The following DGKB variants were observed in gnomAD, a reference collection of about 807,000 sequenced individuals.
DGKB encodes 90 kDa diacylglycerol kinase.
A neutral mutation model predicts 114.3 loss-of-function variants in DGKB; 67 were observed. The ratio of observed to expected loss-of-function variants is 0.59; its 90% CI spans 0.48 to 0.72. The LOEUF is 0.72. Ranked by LOEUF, DGKB falls within the 30% of genes least tolerant of loss-of-function variation. The probability of loss-of-function intolerance (pLI) is 0.00; values close to 1 mark genes in which losing one functional copy is unlikely to be tolerated. For synonymous variants in DGKB, 398 were observed against 323.1 expected, an observed-to-expected ratio of 1.23 and a Z score of -2.49; for missense variants, 907 against 975.2, an observed-to-expected ratio of 0.93 and a Z score of 0.93.
intron 1 of DGKB, among the ~76,000 whole-genome samples, chr7:14,952,344 C>A (rs1449371078): frequency 6.6e-6 from 1 of 151,938 alleles, no homozygotes; most frequent in African/African-American, 2.4e-5. Flanking sequence ...ACAGTCATAG[C>A]AAACTGATAT....
chr7:14,251,262 G>A (rs1562743897), intron 23 of DGKB, among the ~76,000 whole-genome samples: 1 of 151,898 alleles, frequency 6.6e-6, no homozygotes, highest in Non-Finnish European at 1.5e-5. Context: ...GCTATACTGT[G>A]ATTCATTTCT....
chr7:14,215,872 T>A (rs1788874492), intron 23 of DGKB, among the ~76,000 whole-genome samples: 1 of 152,176 alleles, frequency 6.6e-6, no homozygotes, highest in South Asian at 2.1e-4. Context: ...ATTAAAAAAA[T>A]TTATTTATAC....
chr7:14,567,198 TTA>T lies in DGKB; in HGVS notation c.1770+7012_1770+7013del, dbSNP rs1229413047. ...TTATATATAATTATATATTTATATA[TTA>T]TATATATTATATATTTATATATAAT... On this transcript the variant is annotated intron_variant, in intron 20 of 25. Coordinates refer to ENST00000402815, the MANE Select transcript of DGKB (RefSeq NM_001350709.2). Among the ~76,000 whole-genome samples, 88 of 81,582 alleles carry T rather than the reference TTA, an allele frequency of 1.1e-3. 2 individuals are homozygous for T. The highest frequency in any genetic ancestry group is 4.4e-3 in the African/African-American group (83 of 18,836). 53.5% of individuals were successfully genotyped at this position (81,582 alleles called of 152,430 possible). A position where few individuals can be genotyped will look rare whatever the true frequency, so the allele number is the denominator to read the frequency against.
At chr7:14,852,759 G>C (rs1849584371) in intron 1 of DGKB, among the ~76,000 whole-genome samples, 1 of 151,964 alleles carries the variant, frequency 6.6e-6, no homozygotes, top group African/African-American at 2.4e-5. Flanking sequence ...ATCTGACCTG[G>C]GGCTTTTTCA....
rs1167661225 is a variant in DGKB, at chr7:14,876,278, G to T, written c.-188+26314C>A. ...TGCATAAACAGCCTCTAATCTACAT[G>T]TAATTAAAGGAGATATAAATATGAC... On this transcript the variant is annotated intron_variant, in intron 1 of 25. Transcript: ENST00000402815. Among the ~76,000 whole-genome samples the T allele has an allele frequency of 3.9e-5, 6 of 152,152 alleles. No homozygotes were observed. The East Asian group carries it at 1.2e-3, about 29-fold the overall frequency.
chr7:14,150,208 C>G (rs947038120), intron 25 of DGKB, among the ~76,000 whole-genome samples: 2 of 152,110 alleles, frequency 1.3e-5, no homozygotes, highest in Non-Finnish European at 2.9e-5. Context: ...GCGACTAATA[C>G]AAGAACCATC....
intron 23 of DGKB, among the ~76,000 whole-genome samples, chr7:14,185,937 C>T (rs886889906): frequency 1.2e-4 from 18 of 152,262 alleles, no homozygotes; most frequent in African/African-American, 4.3e-4. Context: ...ATTGGAAAAA[C>T]TCTCCTAGAC....
chr7:14,536,357 T>A (rs1338822234), intron 20 of DGKB, among the ~76,000 whole-genome samples: 2 of 152,072 alleles, frequency 1.3e-5, no homozygotes, highest in Non-Finnish European at 2.9e-5. Context: ...GAAAATCATA[T>A]CCCTGATGAA....
At chr7:14,907,333 A>T (rs1236995246), upstream of DGKB, among the ~76,000 whole-genome samples, 1 of 152,222 alleles carries the variant, frequency 6.6e-6, no homozygotes, top group African/African-American at 2.4e-5. Flanking sequence ...TGGCTTTGTC[A>T]CAAAACAGAC....
chr7:14,530,870 C>G (rs140766875), intron 20 of DGKB, among the ~76,000 whole-genome samples: 1 of 151,404 alleles, frequency 6.6e-6, no homozygotes, highest in African/African-American at 2.4e-5. Context: ...CTTTATTTCC[C>G]GGTTCATTTT....
intron 1 of DGKB, among the ~76,000 whole-genome samples, chr7:14,894,351 A>G (rs989201924): frequency 6.6e-6 from 1 of 151,456 alleles, no homozygotes; most frequent in African/African-American, 2.4e-5. Context: ...ATATTAGAGA[A>G]CCAGAGAGGA....
intron 20 of DGKB, among the ~76,000 whole-genome samples, chr7:14,496,259 T>C (rs544747976): frequency 6.6e-6 from 1 of 151,894 alleles, no homozygotes; most frequent in Non-Finnish European, 1.5e-5. Context: ...ATGGTCAAAC[T>C]TATAATAATT....
At chr7:14,252,239 C>T (rs917617398) in intron 23 of DGKB, among the ~76,000 whole-genome samples, 4 of 152,250 alleles carry the variant, frequency 2.6e-5, no homozygotes, top group Non-Finnish European at 5.9e-5. Flanking sequence ...ATCAAGTCTG[C>T]TGTTGAACCC....
chr7:14,189,383 G>T (rs1783976491), intron 23 of DGKB, among the ~76,000 whole-genome samples: 1 of 151,962 alleles, frequency 6.6e-6, no homozygotes, highest in Non-Finnish European at 1.5e-5. Context: ...TTAGCCTGTG[G>T]TAATCACAAA....
chr7:14,876,457 G>C (rs909571857), intron 1 of DGKB, among the ~76,000 whole-genome samples: 4 of 152,108 alleles, frequency 2.6e-5, no homozygotes, highest in African/African-American at 9.7e-5. Flanking sequence ...TTCTTTCCTG[G>C]GCAAGGCCAA....
chr7:14,519,417 G>C (rs1429463303), intron 20 of DGKB, among the ~76,000 whole-genome samples: 1 of 151,994 alleles, frequency 6.6e-6, no homozygotes. Flanking sequence ...ATAGCACATA[G>C]CAATATTTTG....
chr7:14,175,820 G>C (rs1008625222), intron 25 of DGKB, among the ~76,000 whole-genome samples: 1 of 151,436 alleles, frequency 6.6e-6, no homozygotes, highest in Non-Finnish European at 1.5e-5. Context: ...CTTTTTTTTG[G>C]GGGGGATGGA....
intron 21 of DGKB, among the ~76,000 whole-genome samples, chr7:14,410,525 T>G (rs934172457): frequency 6.6e-6 from 1 of 152,114 alleles, no homozygotes; most frequent in African/African-American, 2.4e-5. Context: ...CAAGAATTAT[T>G]TAACATTTAT....
chr7:14,282,006 A>T (rs1464483235), intron 23 of DGKB, among the ~76,000 whole-genome samples: 17 of 117,260 alleles, frequency 1.4e-4, no homozygotes, highest in Non-Finnish European at 2.1e-4. Flanking sequence ...AGAAATAACT[A>T]AAATCAGAGC....
Sources: allele counts gnomAD v4.1 joint callset (sites outside exome capture counted in the v4.1 genomes callset), GRCh38; gene constraint gnomAD v4.1.1; transcripts MANE v1.5; gene names NCBI Gene and HGNC (gene_info 2026-07-23, HGNC 2026-07-21).